RIMKLB: variants seen among roughly 807,000 people sequenced by gnomAD.
RIMKLB encodes beta-citrylglutamate synthase B.
A neutral mutation model predicts 32.0 loss-of-function variants in RIMKLB; 7 were observed. That is an observed-to-expected ratio of 0.22 (90% CI 0.12 to 0.41). The LOEUF is 0.41. Among genes scored for constraint, RIMKLB ranks in the 10% least tolerant of loss-of-function variants. RIMKLB has a pLI of 1.00. For missense variants in RIMKLB, 289 were observed against 498.7 expected (o/e 0.58, Z 4.00); for synonymous variants, 172 against 185.1 (o/e 0.93, Z 0.57).
chr12:8,746,612 A>G (rs1948116643), intron 2 of RIMKLB, among the ~76,000 whole-genome samples: 3 of 151,770 alleles, frequency 2.0e-5, no homozygotes, highest in South Asian at 4.2e-4. Flanking sequence ...AAAAAAAAAA[A>G]AAAAGAAAAA....
upstream of RIMKLB, among the ~76,000 whole-genome samples, chr12:8,693,401 C>CTTT (rs397849959): frequency 1.4e-5 from 2 of 141,110 alleles, no homozygotes; most frequent in Admixed American, 7.1e-5. Context: ...TTCTTTCTTT[C>CTTT]TTTTTTTTTT....
chr12:8,725,196 CTT>C (rs774804606), intron 2 of RIMKLB, among the ~76,000 whole-genome samples: 2 of 152,192 alleles, frequency 1.3e-5, no homozygotes, highest in African/African-American at 4.8e-5. Flanking sequence ...CAGGTGAAGA[CTT>C]TTCTGAAAAC....
At chr12:8,676,450 G>A in the RIMKLB span, among the ~76,000 whole-genome samples, 2 of 131,054 alleles carry the variant, frequency 1.5e-5, no homozygotes, top group African/African-American at 5.8e-5. Flanking sequence ...CCAGGCTGGA[G>A]TGCAGTGGCA....
chr12:8,686,250 C>T (rs2136545266), intron 1 of RIMKLB, among the ~76,000 whole-genome samples: 1 of 151,800 alleles, frequency 6.6e-6, no homozygotes. Flanking sequence ...CCACCGAGCC[C>T]TCTCCCCCTT....
chr12:8,765,672 G>C (rs1949899165), intron 5 of RIMKLB, among the ~76,000 whole-genome samples: 2 of 152,128 alleles, frequency 1.3e-5, no homozygotes, highest in Non-Finnish European at 1.5e-5. Context: ...ACTGCTTGGA[G>C]GGGGCATAAT....
intron 5 of RIMKLB, among the ~76,000 whole-genome samples, chr12:8,757,015 T>A (rs1949094076): frequency 6.6e-6 from 1 of 152,160 alleles, no homozygotes; most frequent in Non-Finnish European, 1.5e-5. Flanking sequence ...GACTTCTGCC[T>A]CCTTGAATTA....
chr12:8,714,958 A>G (rs1038659532), intron 2 of RIMKLB, among the ~76,000 whole-genome samples: 8 of 152,206 alleles, frequency 5.3e-5, no homozygotes, highest in African/African-American at 1.7e-4. Flanking sequence ...TTTTGTGAGA[A>G]TTAAGGCTAT....
At chr12:8,713,492 A>G (rs1283627300) in intron 1 of RIMKLB, among the ~76,000 whole-genome samples, 1 of 152,236 alleles carries the variant, frequency 6.6e-6, no homozygotes, top group African/African-American at 2.4e-5. Context: ...CAGTGATCAG[A>G]TTAAAGTATA....
In RIMKLB at chr12:8,775,282, A is replaced by G. The variant is rs1950665891; in HGVS notation, c.*1498A>G. 1.7e-5 allele frequency: 17 copies of G among 985,214 alleles called. No individual in the cohort carries two copies. The highest frequency in any genetic ancestry group is 4.7e-5 in the South Asian group (1 of 21,260). The allele number at this position is 985,214 out of a possible 1,614,324, so 61.0% of individuals were successfully genotyped here. On this transcript the variant is annotated 3_prime_UTR_variant, in exon 6 of 6. Coordinates refer to ENST00000535829, the MANE Select transcript of RIMKLB (RefSeq NM_001297776.2). ...GTAGTATTGAGTCTCTTATAGCCCT[A>G]CTCTTAAGCCTTCAATACTGTCCAC...
chr12:8,759,419 TA>T (rs1338983771), intron 5 of RIMKLB, among the ~76,000 whole-genome samples: 1 of 152,188 alleles, frequency 6.6e-6, no homozygotes, highest in Non-Finnish European at 1.5e-5. Flanking sequence ...GATTACTTTT[TA>T]AAAAGCCCAT....
At chr12:8,714,371 C>T (rs1423027617) in intron 2 of RIMKLB, among the ~76,000 whole-genome samples, 1 of 152,134 alleles carries the variant, frequency 6.6e-6, no homozygotes, top group Non-Finnish European at 1.5e-5. Flanking sequence ...TTGTAAGACA[C>T]AGTTTCTTAA....
At chr12:8,752,174 T>C in intron 4 of RIMKLB, 131 bp downstream of exon 4, 1 of 616,592 alleles carries the variant, frequency 1.6e-6, no homozygotes, top group Non-Finnish European at 2.8e-6. Flanking sequence ...AAGGCTACTA[T>C]GAGTTGTTCA....
chr12:8,704,376 C>G (rs1943664164), intron 1 of RIMKLB, among the ~76,000 whole-genome samples: 1 of 148,842 alleles, frequency 6.7e-6, no homozygotes, highest in African/African-American at 2.5e-5. Context: ...GAGTGAGACC[C>G]TGTCTCAAAA....
At chr12:8,747,192 T>C (rs886472315) in intron 2 of RIMKLB, among the ~76,000 whole-genome samples, 1 of 152,226 alleles carries the variant, frequency 6.6e-6, no homozygotes, top group African/African-American at 2.4e-5. Flanking sequence ...GCACAGACTC[T>C]CAGTTCTCCT....
At position 8,776,959 on chromosome 12, in the gene RIMKLB, T is replaced by C; in HGVS notation, c.*3175T>C. ...TTGGGGCTTGTGGGGCTTAGAGACA[T>C]TGTGAAATCAAATCTTGTGTTATAC... is the stretch of plus-strand genomic sequence containing the variant. On this transcript the variant is annotated 3_prime_UTR_variant, in exon 6 of 6. Transcript: ENST00000535829. 6 of 985,836 alleles carry C rather than the reference T, an allele frequency of 6.1e-6. No homozygotes were observed. The highest frequency in any genetic ancestry group is 7.2e-6 in the Non-Finnish European group (6 of 829,914). The allele number at this position is 985,836 out of a possible 1,614,324, so 61.1% of individuals were successfully genotyped here.
At position 8,774,687 on chromosome 12, in the gene RIMKLB, T is replaced by C; in HGVS notation, c.*903T>C. 3 of 985,740 alleles carry C rather than the reference T, an allele frequency of 3.0e-6. No individual in the cohort carries two copies. Among genetic ancestry groups the C allele is most frequent in the Non-Finnish European group, 3.6e-6 (3 of 829,872 alleles). 61.1% of individuals were successfully genotyped at this position (985,740 alleles called of 1,614,324 possible). A position where few individuals can be genotyped will look rare whatever the true frequency, so the allele number is the denominator to read the frequency against. The stretch of plus-strand genomic sequence containing the variant: ...CTTTTTTGTTAACAAGACACTGACT[T>C]GAAACATGTACATTTAAAGCCTTTT... On this transcript the variant is annotated 3_prime_UTR_variant, in exon 6 of 6. Coordinates refer to ENST00000535829, the MANE Select transcript of RIMKLB (RefSeq NM_001297776.2).
chr12:8,677,530 G>C (rs1366189589), upstream of RIMKLB, among the ~76,000 whole-genome samples: 2 of 152,066 alleles, frequency 1.3e-5, no homozygotes, highest in Admixed American at 6.6e-5. Flanking sequence ...TGATCCCCCA[G>C]TTCCCATCCA....
chr12:8,699,382 C>T (rs1683444010), intron 1 of RIMKLB, among the ~76,000 whole-genome samples: 1 of 151,752 alleles, frequency 6.6e-6, no homozygotes. Flanking sequence ...ATATTGGGTA[C>T]CTTAAAGGTC....
At chr12:8,718,647 CTCTCTCTA>C (rs1355737936) in intron 2 of RIMKLB, among the ~76,000 whole-genome samples, 4 of 95,984 alleles carry the variant, frequency 4.2e-5, no homozygotes, top group South Asian at 3.9e-4. Flanking sequence ...GTCTCTCTCT[CTCTCTCTA>C]TATATATATA....
Sources: allele counts gnomAD v4.1 joint callset (sites outside exome capture counted in the v4.1 genomes callset), GRCh38; gene constraint gnomAD v4.1.1; transcripts MANE v1.5; gene names NCBI Gene and HGNC (gene_info 2026-07-23, HGNC 2026-07-21).